Variants in PIR observed in about 807,000 individuals in gnomAD.
PIR encodes pirin.
Under a neutral mutation model 24.2 loss-of-function variants are expected in PIR, and 22 were observed. That is an observed-to-expected ratio of 0.91 (90% CI 0.65 to 1.30). The LOEUF is 1.30. Among genes scored for constraint, PIR ranks in the 50% most tolerant of loss-of-function variants. The pLI, the probability that PIR is intolerant of heterozygous loss-of-function variation, is 0.00. For missense variants in PIR, 220 were observed against 220.3 expected (o/e 1.00, Z 0.01); for synonymous variants, 80 against 79.6 (o/e 1.00, Z -0.03).
chrX:15,422,226 T>C (rs1925155139), intron 6 of PIR, among the ~76,000 whole-genome samples: 1 of 109,810 alleles, frequency 9.1e-6, no homozygotes, highest in African/African-American at 3.3e-5. Flanking sequence ...AGAATTCAGT[T>C]GAAAAACTGA....
intron 7 of PIR, among the ~76,000 whole-genome samples, chrX:15,400,777 C>G (rs1032517441): frequency 2.1e-5 from 1 of 47,243 alleles, no homozygotes; most frequent in African/African-American, 5.7e-5. Context: ...GATGGAGTCT[C>G]TCTGTGTTGC....
intron 3 of PIR, among the ~76,000 whole-genome samples, chrX:15,469,560 C>T (rs1299150496): frequency 9.0e-6 from 1 of 111,319 alleles, no homozygotes; most frequent in Non-Finnish European, 1.9e-5. Context: ...ACAAAGATTC[C>T]AGAGGAATGA....
intron 3 of PIR, among the ~76,000 whole-genome samples, chrX:15,476,266 C>T (rs1922186393): frequency 8.9e-6 from 1 of 111,738 alleles, no homozygotes; most frequent in South Asian, 3.7e-4. Flanking sequence ...TGTGAGTGTG[C>T]ACTCAAAATA....
At chrX:15,410,315 G>C (rs969853417) in intron 6 of PIR, among the ~76,000 whole-genome samples, 1 of 111,943 alleles carries the variant, frequency 8.9e-6, no homozygotes, top group African/African-American at 3.3e-5. Context: ...TTCTATTTTG[G>C]ATACCTTTCC....
chrX:15,484,257 T>C (rs970305431), intron 2 of PIR, among the ~76,000 whole-genome samples: 1 of 106,342 alleles, frequency 9.4e-6, no homozygotes, highest in Non-Finnish European at 1.9e-5. Context: ...GCAACTCTGG[T>C]GAGGGCCCAG....
At chrX:15,413,421 A>G (rs757526845) in intron 6 of PIR, among the ~76,000 whole-genome samples, 10 of 111,459 alleles carry the variant, frequency 9.0e-5, no homozygotes, top group Non-Finnish European at 1.7e-4. Context: ...CCTCATCAAG[A>G]ACCTCATGGC....
At position 15,434,301 on chromosome X, in the gene PIR, TAGAA is replaced by T; in HGVS notation, c.481-8315_481-8312del. Among the ~76,000 whole-genome samples, 3 of 57,227 alleles carry T rather than the reference TAGAA, an allele frequency of 5.2e-5. 1 individual carries two copies. The South Asian group carries it at 2.5e-3, about 47-fold the overall frequency. 49.7% of individuals were successfully genotyped at this position (57,227 alleles called of 115,157 possible). On this transcript the variant is annotated intron_variant, in intron 5 of 9. Transcript: ENST00000380420. ...AGAAAGAGGAGAAAGAAGAAGGAGA[TAGAA>T]GGAGAAGGAAGGAGAAAGAAGAAGG...
At chrX:15,410,933 C>A (rs1924723528) in intron 6 of PIR, among the ~76,000 whole-genome samples, 1 of 112,432 alleles carries the variant, frequency 8.9e-6, no homozygotes, top group African/African-American at 3.2e-5. Flanking sequence ...AAAACAAATG[C>A]CAAATTTCAT....
At chrX:15,486,644 G>A (rs773923273) in intron 2 of PIR, among the ~76,000 whole-genome samples, 1 of 111,461 alleles carries the variant, frequency 9.0e-6, no homozygotes, top group African/African-American at 3.3e-5. Context: ...AGAGGAGGAT[G>A]GACACAAGAT....
chrX:15,479,627 AT>A, intron 3 of PIR, 101 bp downstream of exon 3: 1 of 372,789 alleles, frequency 2.7e-6, no homozygotes. Context: ...TTATAAATGA[AT>A]TTTTAGCCTA....
intron 3 of PIR, among the ~76,000 whole-genome samples, chrX:15,473,618 G>A (rs1243291266): frequency 1.8e-5 from 2 of 110,578 alleles, no homozygotes; most frequent in Admixed American, 9.6e-5. Context: ...GTGCAATGGC[G>A]CAATCTTGGC....
At chrX:15,417,585 A>G (rs1204467202) in intron 6 of PIR, among the ~76,000 whole-genome samples, 2 of 111,690 alleles carry the variant, frequency 1.8e-5, no homozygotes, top group Non-Finnish European at 3.8e-5. Flanking sequence ...TAAAGTAACA[A>G]AAATTTTTAT....
At chrX:15,422,838 C>T (rs1412263327) in intron 6 of PIR, among the ~76,000 whole-genome samples, 1 of 111,631 alleles carries the variant, frequency 9.0e-6, no homozygotes, top group Admixed American at 9.6e-5. Flanking sequence ...TTATATGGAA[C>T]CATGAAAGAC....
intron 6 of PIR, among the ~76,000 whole-genome samples, chrX:15,408,400 G>A (rs16979908): frequency 9.0e-6 from 1 of 111,128 alleles, no homozygotes; most frequent in Non-Finnish European, 1.9e-5. Flanking sequence ...GGATATAAAT[G>A]GGCTCCAGGA....
intron 4 of PIR, among the ~76,000 whole-genome samples, chrX:15,458,594 G>A (rs1386121536): frequency 8.9e-6 from 1 of 112,101 alleles, no homozygotes; most frequent in South Asian, 3.7e-4. Context: ...AATAGTGAAT[G>A]CACCATTGCA....
At chrX:15,399,101 C>A (rs1032852432) in intron 7 of PIR, among the ~76,000 whole-genome samples, 4 of 111,190 alleles carry the variant, frequency 3.6e-5, no homozygotes, top group Non-Finnish European at 7.5e-5. Flanking sequence ...TTGGGAAAAA[C>A]CCTGATATGT....
At chrX:15,421,990 T>A (rs902549782) in intron 6 of PIR, among the ~76,000 whole-genome samples, 1 of 111,713 alleles carries the variant, frequency 9.0e-6, no homozygotes, top group Admixed American at 9.5e-5. Context: ...TGTTTCAACA[T>A]TCAACATACA....
At chrX:15,436,863 G>A (rs1925766216) in intron 5 of PIR, among the ~76,000 whole-genome samples, 1 of 112,213 alleles carries the variant, frequency 8.9e-6, no homozygotes, top group African/African-American at 3.2e-5. Context: ...AATTAATGAA[G>A]GGGGAATTTA....
intron 9 of PIR, among the ~76,000 whole-genome samples, chrX:15,385,334 AT>A (rs914537166): frequency 8.9e-6 from 1 of 112,562 alleles, no homozygotes; most frequent in Non-Finnish European, 1.9e-5. Flanking sequence ...GAAACTTCAG[AT>A]AAATGCAATG....
Sources: allele counts gnomAD v4.1 joint callset (sites outside exome capture counted in the v4.1 genomes callset), GRCh38; gene constraint gnomAD v4.1.1; transcripts MANE v1.5; gene names NCBI Gene and HGNC (gene_info 2026-07-23, HGNC 2026-07-21).